The following PTGFRN variants were observed in gnomAD, a reference collection of about 807,000 sequenced individuals.
PTGFRN encodes prostaglandin F2 receptor inhibitor.
PTGFRN carries 35 observed loss-of-function variants against 83.2 expected under a neutral mutation model. That is an observed-to-expected ratio of 0.42 (90% CI 0.32 to 0.56). The LOEUF (loss-of-function observed/expected upper bound fraction) is 0.56, where lower values mean the gene tolerates loss of function less well. Among genes scored for constraint, PTGFRN ranks in the 20% least tolerant of loss-of-function variants. PTGFRN has a pLI of 0.11. For missense variants in PTGFRN, 1,051 were observed against 1,179.5 expected, an observed-to-expected ratio of 0.89 and a Z score of 1.60; for synonymous variants, 519 against 498.6, an observed-to-expected ratio of 1.04 and a Z score of -0.55.
In PTGFRN at chr1:116,910,227, G is replaced by T; in HGVS notation, c.24G>T (p.Pro8=). 1 of 1,455,150 alleles carries T rather than the reference G, an allele frequency of 6.9e-7. No individual in the cohort carries two copies. The highest frequency in any genetic ancestry group is 9.0e-7 in the Non-Finnish European group (1 of 1,110,420). 90.1% of individuals were successfully genotyped at this position (1,455,150 alleles called of 1,614,324 possible). The change falls in exon 1 of 9, where the codon CCG becomes CCT. Residue 8 remains proline (P), a synonymous_variant. Transcript: ENST00000393203. ...GCATGGGGCGCCTGGCCTCGAGGCC[G>T]CTGCTGCTGGCGCTCCTGTCGTTGG... MGRLASR[P]LLLALLSLAL...
chr1:116,979,159 A>C (rs549423858), intron 7 of PTGFRN, among the ~76,000 whole-genome samples: 8 of 152,206 alleles, frequency 5.3e-5, no homozygotes, highest in Non-Finnish European at 1.2e-4. Flanking sequence ...AATCCAACTT[A>C]CAAGGGATGT....
chr1:116,945,140 G>T lies in PTGFRN; in HGVS notation c.832+48G>T, dbSNP rs1442562059. ...TAGGTGATGTTATTTTGTGACTAAT[G>T]ATAGTGATACAAAGAACCGGGCCAG... is the stretch of plus-strand genomic sequence containing the variant. On this transcript the variant is annotated intron_variant, in intron 3 of 8. Transcript: ENST00000393203. 4 of 1,550,174 alleles carry T rather than the reference G, an allele frequency of 2.6e-6. No individual in the cohort carries two copies. In the South Asian group the frequency reaches 3.7e-5, roughly 14 times the overall value.
At chr1:116,963,367 A>G (rs1275286586) in intron 5 of PTGFRN, among the ~76,000 whole-genome samples, 1 of 152,232 alleles carries the variant, frequency 6.6e-6, no homozygotes, top group African/African-American at 2.4e-5. Context: ...AAAAGTAGAA[A>G]TAATCAGGAG....
chr1:116,929,867 TCATGGTTGTGCCTTCTCTTCCCTA>T (rs1183108578), intron 1 of PTGFRN, among the ~76,000 whole-genome samples: 3 of 152,150 alleles, frequency 2.0e-5, no homozygotes, highest in African/African-American at 7.2e-5. Flanking sequence ...AGTGCCTTTT[TCATGGTTGTGCCTTCTCTTCCCTA>T]CATCTTTGTT....
At position 116,949,217 on chromosome 1, in the gene PTGFRN, T is replaced by C. The variant is rs1650271153; in HGVS notation, c.858T>C (p.Asn286=). The C allele has an allele frequency of 2.5e-6, 4 of 1,597,832 alleles. No individual in the cohort carries two copies. In the African/African-American group the frequency reaches 4.0e-5, roughly 16 times the overall value. ...PSVLRAAVPK[N]VSVAEGKELD... The stretch of plus-strand genomic sequence containing the variant: ...TTCTGCGAGCAGCTGTGCCCAAGAA[T>C]GTGTCTGTGGCTGAAGGAAAGGAAC... Residue 286 remains asparagine (N), a synonymous_variant, in exon 4 of 9, where the codon AAT becomes AAC. Transcript: ENST00000393203.
At chr1:116,965,221 C>T (rs1232532656) in intron 5 of PTGFRN, among the ~76,000 whole-genome samples, 1 of 152,188 alleles carries the variant, frequency 6.6e-6, no homozygotes, top group Non-Finnish European at 1.5e-5. Context: ...AATGCTCTTC[C>T]CAAGATAGAT....
intron 1 of PTGFRN, among the ~76,000 whole-genome samples, chr1:116,920,369 T>C (rs1442401112): frequency 6.6e-6 from 1 of 152,260 alleles, no homozygotes; most frequent in Non-Finnish European, 1.5e-5. Flanking sequence ...ACCAATTTTC[T>C]TTTATGTGTG....
chr1:116,976,917 A>G (rs999751397), intron 7 of PTGFRN, among the ~76,000 whole-genome samples: 6 of 152,218 alleles, frequency 3.9e-5, no homozygotes, highest in Non-Finnish European at 8.8e-5. Context: ...CAATTAAAAG[A>G]CACAGACTGG....
intron 7 of PTGFRN, among the ~76,000 whole-genome samples, chr1:116,982,950 G>A (rs532546292): frequency 6.6e-6 from 1 of 152,144 alleles, no homozygotes; most frequent in African/African-American, 2.4e-5. Context: ...GGGTGGACTG[G>A]CCACCAGCTG....
At chr1:116,970,816 G>A (rs74113330) in intron 6 of PTGFRN, among the ~76,000 whole-genome samples, 6,211 of 152,156 alleles carry the variant, frequency 0.041, 388 homozygotes, top group African/African-American at 0.14. Flanking sequence ...CTTAAGACAC[G>A]CAACAAAGGG....
At chr1:116,969,420 G>A (rs1350622036) in intron 6 of PTGFRN, among the ~76,000 whole-genome samples, 2 of 152,070 alleles carry the variant, frequency 1.3e-5, no homozygotes, top group Non-Finnish European at 2.9e-5. Context: ...TAAATGTAGG[G>A]TTTATTTCTA....
chr1:116,941,819 A>G lies in PTGFRN; in HGVS notation c.154A>G (p.Ser52Gly). The G allele has an allele frequency of 6.2e-7, 1 of 1,614,202 alleles. No individual in the cohort carries two copies. The highest frequency in any genetic ancestry group is 1.3e-5 in the African/African-American group (1 of 75,056). The change falls in exon 2 of 9, where the codon AGC becomes GGC. Residue 52 changes from serine to glycine, a missense_variant. This residue lies in a region of PTGFRN where 127 missense variants were observed against 168.4 expected (regional missense o/e 0.75). Transcript: ENST00000393203. The surrounding 1 kb of genome is among the most constrained non-coding windows in gnomAD (Gnocchi z 5.0). ...CAACGTCAGTGACTATGATGGCCCC[A>G]GCGAGCAAAACTTTGACTGGAGCTT... is the stretch of plus-strand genomic sequence containing the variant. ...PCNVSDYDGP[S>G]EQNFDWSFSS...
intron 1 of PTGFRN, among the ~76,000 whole-genome samples, chr1:116,910,515 C>T (rs1020421104): frequency 2.0e-5 from 3 of 151,844 alleles, no homozygotes; most frequent in Admixed American, 6.5e-5. Context: ...CAACATGTGC[C>T]GGGGGGAGTG....
intron 1 of PTGFRN, among the ~76,000 whole-genome samples, chr1:116,914,568 T>C (rs1157360725): frequency 6.6e-6 from 1 of 151,992 alleles, no homozygotes; most frequent in Non-Finnish European, 1.5e-5. Flanking sequence ...CTGTGCAACA[T>C]AGTGAGACCC....
rs983274440 is a variant in PTGFRN at position 116,958,472 on chromosome 1, T to A, written c.1214-2771T>A. Among the ~76,000 whole-genome samples, 4 of 152,214 alleles carry A rather than the reference T, an allele frequency of 2.6e-5. No homozygotes were observed. Among genetic ancestry groups the A allele is most frequent in the Non-Finnish European group, 5.9e-5 (4 of 68,038 alleles). On this transcript the variant is annotated intron_variant, in intron 4 of 8. Coordinates refer to ENST00000393203, the MANE Select transcript of PTGFRN (RefSeq NM_020440.4). This position sits in a 1 kb window ranked among gnomAD's most constrained non-coding sequence, Gnocchi z 4.9. ...AGGGCTCCGTTCCCATCTGCCACTT[T>A]TGAACTGTGTGGCCAAGTCACTAAC...
chr1:116,984,986 G>C lies in PTGFRN; in HGVS notation c.2473+1G>C. The C allele has an allele frequency of 6.2e-7, 1 of 1,610,922 alleles. No individual in the cohort carries two copies. Among genetic ancestry groups the C allele is most frequent in the Non-Finnish European group, 8.5e-7 (1 of 1,177,740 alleles). ...GTTTTTATAACTGTGAAGATGGATG[G>C]TAAGAATGTCACCCAAATTTCTCAG... On this transcript the variant is annotated splice_donor_variant, in intron 8 of 8. Transcript: ENST00000393203. LOFTEE classifies it high-confidence loss of function.
chr1:116,911,295 T>C (rs536865015), intron 1 of PTGFRN, among the ~76,000 whole-genome samples: 1 of 152,338 alleles, frequency 6.6e-6, no homozygotes, highest in East Asian at 1.9e-4. Flanking sequence ...TCTGAGTCTT[T>C]CACAGAGCGC....
intron 1 of PTGFRN, among the ~76,000 whole-genome samples, chr1:116,935,108 A>C (rs1422569716): frequency 6.6e-6 from 1 of 152,176 alleles, no homozygotes; most frequent in East Asian, 1.9e-4. Context: ...CCACCTCCCC[A>C]TACCCTTCAA....
rs1436224604 is a variant in PTGFRN at position 116,910,128 on chromosome 1, C to G, written c.-76C>G. On this transcript the variant is annotated 5_prime_UTR_variant, in exon 1 of 9. Coordinates refer to ENST00000393203, the MANE Select transcript of PTGFRN (RefSeq NM_020440.4). ...GGAGGAGCGCCGACTCTGGAGCAGC[C>G]GGAGCTGGAAGAGGAGGAGGAGGAG... is the stretch of plus-strand genomic sequence containing the variant. The G allele has an allele frequency of 3.4e-6, 5 of 1,462,718 alleles. No homozygotes were observed. Among genetic ancestry groups the G allele is most frequent in the East Asian group, 5.3e-5 (2 of 37,732 alleles). The allele number at this position is 1,462,718 out of a possible 1,614,324, so 90.6% of individuals were successfully genotyped here. A position where few individuals can be genotyped will look rare whatever the true frequency, so the allele number is the denominator to read the frequency against.
Sources: gnomAD v4.1 joint callset for allele counts (sites outside exome capture counted in the v4.1 genomes callset) on GRCh38, gnomAD v4.1.1 for gene constraint, gnomAD v4.1.1 regional missense constraint, Gnocchi (gnomAD v3.1) non-coding constraint, MANE v1.5 for transcripts, NCBI Gene and HGNC (gene_info 2026-07-23, HGNC 2026-07-21) for gene names.